Variants in ZMAT4 observed in about 807,000 individuals in gnomAD.
ZMAT4 encodes zinc finger matrin-type 4.
A neutral mutation model predicts 28.7 loss-of-function variants in ZMAT4; 17 were observed. The ratio of observed to expected loss-of-function variants is 0.59; its 90% confidence interval spans 0.41 to 0.89. The LOEUF (loss-of-function observed/expected upper bound fraction) is 0.89. Ranked by LOEUF, ZMAT4 falls within the 40% of genes least tolerant of loss-of-function variation. The pLI is 0.00. For missense variants in ZMAT4, 240 were observed against 283.8 expected, an observed-to-expected ratio of 0.85 and a Z score of 1.11; for synonymous variants, 117 against 109.2, an observed-to-expected ratio of 1.07 and a Z score of -0.44.
At chr8:40,537,265 G>T (rs746617282) in intron 6 of ZMAT4, among the ~76,000 whole-genome samples, 8 of 151,860 alleles carry the variant, frequency 5.3e-5, no homozygotes, top group Non-Finnish European at 1.2e-4. Flanking sequence ...AGTAGAATGG[G>T]GTTCAGTTGA....
Position 40,881,429 on chromosome 8 carries a change from AAGAG to A in ZMAT4, c.-5+16250_-5+16253del, listed in dbSNP as rs1206128785. 2.0e-4 allele frequency among the ~76,000 whole-genome samples: 24 copies of A among 120,122 alleles called. No individual in the cohort carries two copies. In the East Asian group the frequency reaches 4.6e-3, roughly 23 times the overall value. 78.8% of individuals were successfully genotyped at this position (120,122 alleles called of 152,430 possible). A position where few individuals can be genotyped will look rare whatever the true frequency, so the allele number is the denominator to read the frequency against. On this transcript the variant is annotated intron_variant, in intron 1 of 6. Transcript: ENST00000297737. ...GAGAAAGAAAGGAAGAAAAAGAAGAAAGAGAGAAAGAAAGAAAGAAAGAAAGAAA... is the reference window on the plus strand; with the variant it reads ...GAGAAAGAAAGGAAGAAAAAGAAGAAAGAAAGAAAGAAAGAAAGAAAGAAA...
intron 5 of ZMAT4, among the ~76,000 whole-genome samples, chr8:40,647,461 T>C (rs1807385633): frequency 6.6e-6 from 1 of 152,020 alleles, no homozygotes; most frequent in Admixed American, 6.6e-5. Flanking sequence ...AGCACAGCAG[T>C]CTGAGATCAA....
At chr8:40,545,131 C>T (rs1803159963) in intron 6 of ZMAT4, among the ~76,000 whole-genome samples, 1 of 152,068 alleles carries the variant, frequency 6.6e-6, no homozygotes, top group African/African-American at 2.4e-5. Context: ...CTCATTCCAA[C>T]AACCCACAAG....
Position 40,565,627 on chromosome 8 carries a change from C to T in ZMAT4, c.674+15538G>A, listed in dbSNP as rs74717675. On this transcript the variant is annotated intron_variant, in intron 6 of 6. Transcript: ENST00000297737. ...TCCTGTCTTCAGGTGATCTACACTC[C>T]TCGGCCTACCAAAGTGCTGGGATTA... Among the ~76,000 whole-genome samples, 483 of 152,100 alleles carry T rather than the reference C, an allele frequency of 3.2e-3. 3 individuals are homozygous for T. The highest frequency in any genetic ancestry group is 0.011 in the African/African-American group (468 of 41,476).
intron 6 of ZMAT4, among the ~76,000 whole-genome samples, chr8:40,570,031 C>A (rs1028162855): frequency 2.0e-5 from 3 of 152,124 alleles, no homozygotes; most frequent in Non-Finnish European, 4.4e-5. Context: ...AGTGAGGGAA[C>A]TTGTTTTGTT....
Position 40,531,601 on chromosome 8 carries a change from TTGAA to T in ZMAT4, c.*618_*621del. The T allele has an allele frequency of 6.6e-6, 1 of 152,652 alleles. No individual in the cohort carries two copies. Among genetic ancestry groups the T allele is most frequent in the Non-Finnish European group, 1.5e-5 (1 of 68,038 alleles). 9.5% of individuals were successfully genotyped at this position (152,652 alleles called of 1,614,324 possible). On this transcript the variant is annotated 3_prime_UTR_variant, in exon 7 of 7. Transcript: ENST00000297737. Reference sequence around the variant, plus strand: ...TGGCTTAACCTTGAGAAACTGTTCTTTGAATGATCAGGAAAAAAGATGAGAATTC... The same window carrying T: ...TGGCTTAACCTTGAGAAACTGTTCTTTGATCAGGAAAAAAGATGAGAATTC...
At chr8:40,663,133 T>C (rs1202342348) in intron 5 of ZMAT4, among the ~76,000 whole-genome samples, 1 of 152,292 alleles carries the variant, frequency 6.6e-6, no homozygotes, top group South Asian at 2.1e-4. Flanking sequence ...TTCTCAGCCT[T>C]CTCTTACCTT....
intron 3 of ZMAT4, among the ~76,000 whole-genome samples, chr8:40,738,733 A>G (rs960612740): frequency 1.3e-5 from 2 of 152,194 alleles, no homozygotes; most frequent in African/African-American, 4.8e-5. Context: ...AAGGTTGAGT[A>G]TAAAAGGCTG....
chr8:40,828,483 G>A (rs994314595), intron 1 of ZMAT4, among the ~76,000 whole-genome samples: 7 of 151,986 alleles, frequency 4.6e-5, no homozygotes, highest in South Asian at 2.1e-4. Context: ...AAGCAGGCCC[G>A]TAGGAGTCTG....
intron 3 of ZMAT4, among the ~76,000 whole-genome samples, chr8:40,712,811 C>G (rs1810683650): frequency 6.6e-6 from 1 of 151,996 alleles, no homozygotes; most frequent in Non-Finnish European, 1.5e-5. Flanking sequence ...GGGCATTGCC[C>G]CAGAAGCAGT....
At chr8:40,638,368 A>G (rs573859070) in intron 5 of ZMAT4, among the ~76,000 whole-genome samples, 14 of 152,338 alleles carry the variant, frequency 9.2e-5, no homozygotes, top group Admixed American at 7.2e-4. Context: ...ATAAAGTTAA[A>G]ACAATAGACA....
intron 6 of ZMAT4, among the ~76,000 whole-genome samples, chr8:40,556,589 A>C (rs75364249): frequency 0.037 from 5,563 of 152,194 alleles, 191 homozygotes; most frequent in East Asian, 0.13. Flanking sequence ...GGACTACCTA[A>C]ATAGTTTCTT....
At chr8:40,700,021 G>T (rs958763360) in intron 3 of ZMAT4, among the ~76,000 whole-genome samples, 1 of 152,168 alleles carries the variant, frequency 6.6e-6, no homozygotes, top group East Asian at 1.9e-4. Flanking sequence ...ACAAAGAGTT[G>T]CCCTTAATGA....
At chr8:40,891,257 G>GAGGGGGAAGGGGGA (rs1818669763) in intron 1 of ZMAT4, among the ~76,000 whole-genome samples, 1 of 93,818 alleles carries the variant, frequency 1.1e-5, no homozygotes, top group African/African-American at 3.8e-5. Flanking sequence ...GGGGAAGGGG[G>GAGGGGGAAGGGGGA]AGGGGGGAGG....
At chr8:40,737,331 A>G (rs561598085) in intron 3 of ZMAT4, among the ~76,000 whole-genome samples, 2 of 152,222 alleles carry the variant, frequency 1.3e-5, no homozygotes, top group Admixed American at 1.3e-4. Flanking sequence ...GACACCCCCG[A>G]TTTAAGGAGA....
chr8:40,881,554 GAA>G (rs1364249910), intron 1 of ZMAT4, among the ~76,000 whole-genome samples: 1 of 89,190 alleles, frequency 1.1e-5, no homozygotes, highest in South Asian at 3.7e-4. Flanking sequence ...AAGAAAGAAA[GAA>G]AGAAAGAAAG....
chr8:40,554,913 C>A (rs1415225740), intron 6 of ZMAT4, among the ~76,000 whole-genome samples: 1 of 152,116 alleles, frequency 6.6e-6, no homozygotes, highest in African/African-American at 2.4e-5. Context: ...TTTCTTCCAT[C>A]TGACTGTATT....
intron 6 of ZMAT4, among the ~76,000 whole-genome samples, chr8:40,543,700 GC>G (rs905923746): frequency 9.2e-5 from 14 of 152,174 alleles, no homozygotes; most frequent in African/African-American, 3.4e-4. Context: ...GTGAAAGGAA[GC>G]CCTTTATAAA....
intron 2 of ZMAT4, among the ~76,000 whole-genome samples, chr8:40,769,325 T>C (rs1813295133): frequency 1.3e-5 from 2 of 152,226 alleles, no homozygotes; most frequent in South Asian, 4.1e-4. Context: ...TGTAGATGTA[T>C]GTCAGATGAG....
Sources: gnomAD v4.1 joint callset for allele counts (sites outside exome capture counted in the v4.1 genomes callset) on GRCh38, gnomAD v4.1.1 for gene constraint, MANE v1.5 for transcripts, NCBI Gene and HGNC (gene_info 2026-07-23, HGNC 2026-07-21) for gene names.